Variants in VPS13B observed in about 807,000 individuals in gnomAD.
The protein encoded by VPS13B is vacuolar protein sorting 13 homolog B.
A neutral mutation model predicts 426.4 loss-of-function variants in VPS13B; 285 were observed. That is an observed-to-expected ratio of 0.67 (90% CI 0.61 to 0.74). The LOEUF is 0.74. Among genes scored for constraint, VPS13B ranks in the 30% least tolerant of loss-of-function variants. The pLI is 0.00. For missense variants in VPS13B, 4,537 were observed against 4,782.6 expected, an observed-to-expected ratio of 0.95 and a Z score of 1.51; for synonymous variants, 1,676 against 1,676.4, an observed-to-expected ratio of 1.00 and a Z score of 0.01.
chr8:99,461,149 G>T (rs1040668530), intron 23 of VPS13B, among the ~76,000 whole-genome samples: 1 of 148,650 alleles, frequency 6.7e-6, no homozygotes, highest in African/African-American at 2.5e-5. Flanking sequence ...GCTACTTCAT[G>T]TATTACTAGT....
intron 54 of VPS13B, among the ~76,000 whole-genome samples, chr8:99,840,910 T>C (rs1161432468): frequency 6.6e-6 from 1 of 152,214 alleles, no homozygotes; most frequent in African/African-American, 2.4e-5. Context: ...TATTTTGACT[T>C]CTTGCTTACT....
chr8:99,499,093 G>A (rs1171973851), intron 25 of VPS13B, among the ~76,000 whole-genome samples: 1 of 152,118 alleles, frequency 6.6e-6, no homozygotes, highest in Non-Finnish European at 1.5e-5. Context: ...AATAAACTTA[G>A]CATTTGGTCA....
At chr8:99,819,805 C>A in intron 48 of VPS13B, 116 bp from the exon 49 acceptor site, 1 of 1,354,146 alleles carries the variant, frequency 7.4e-7, no homozygotes, top group Non-Finnish European at 1.0e-6. Context: ...TTGAAAGATT[C>A]TGGTATGAGG....
chr8:99,209,871 A>G (rs1814972679), intron 17 of VPS13B: 1 of 449,050 alleles, frequency 2.2e-6, no homozygotes, highest in African/African-American at 2.2e-5. Flanking sequence ...TAAAGTTTAT[A>G]ATGTATACTA....
chr8:99,734,172 T>C (rs1833717631), intron 39 of VPS13B, among the ~76,000 whole-genome samples: 1 of 152,226 alleles, frequency 6.6e-6, no homozygotes. Flanking sequence ...TTTTCACAGT[T>C]CATCCATGTC....
At chr8:99,858,549 G>A (rs896509620) in intron 56 of VPS13B, among the ~76,000 whole-genome samples, 1 of 152,168 alleles carries the variant, frequency 6.6e-6, no homozygotes, top group Non-Finnish European at 1.5e-5. Context: ...GCCAGGCGTG[G>A]TGGCATGTGC....
Position 99,575,638 on chromosome 8 carries a change from T to C in VPS13B, c.4950-20T>C, listed in dbSNP as rs201360034. 7 of 1,613,560 alleles carry C rather than the reference T, an allele frequency of 4.3e-6. No individual in the cohort carries two copies. The East Asian group carries it at 1.6e-4, about 36-fold the overall frequency. On this transcript the variant is annotated intron_variant, in intron 31 of 61. Transcript: ENST00000357162. ...TTGAAAATAATGAAATGGCTAATAA[T>C]CTTTTACTCTATCTTTTAGCATACG...
At chr8:99,294,507 A>T (rs1003834135) in intron 19 of VPS13B, among the ~76,000 whole-genome samples, 2 of 150,828 alleles carry the variant, frequency 1.3e-5, no homozygotes, top group East Asian at 3.9e-4. Flanking sequence ...AACCTGCACA[A>T]TGTGCACATG....
intron 43 of VPS13B, among the ~76,000 whole-genome samples, chr8:99,793,644 T>C (rs1812670854): frequency 3.9e-5 from 6 of 152,164 alleles, no homozygotes; most frequent in Admixed American, 3.9e-4. Flanking sequence ...CTAGTTTTGC[T>C]ATTGGCCAAG....
At chr8:99,310,408 T>A (rs1346318191) in intron 19 of VPS13B, among the ~76,000 whole-genome samples, 1 of 152,220 alleles carries the variant, frequency 6.6e-6, no homozygotes, top group Non-Finnish European at 1.5e-5. Flanking sequence ...GCCTATTGAA[T>A]TTTGTTAAAG....
intron 16 of VPS13B, among the ~76,000 whole-genome samples, chr8:99,183,084 G>A (rs1394965363): frequency 1.3e-5 from 2 of 152,124 alleles, no homozygotes; most frequent in African/African-American, 4.8e-5. Context: ...AAAAAAAGAG[G>A]AGGAAGACTA....
chr8:99,142,010 G>A (rs897161101), intron 12 of VPS13B, among the ~76,000 whole-genome samples: 3 of 151,948 alleles, frequency 2.0e-5, no homozygotes, highest in Non-Finnish European at 2.9e-5. Context: ...CCGAGATCAC[G>A]CCACTGCACT....
intron 34 of VPS13B, among the ~76,000 whole-genome samples, chr8:99,643,989 G>A (rs1320760999): frequency 1.3e-5 from 2 of 152,182 alleles, no homozygotes; most frequent in Admixed American, 1.3e-4. Flanking sequence ...GCAGGATTAG[G>A]AGATGAATTC....
At chr8:99,734,209 T>C (rs980629232) in intron 39 of VPS13B, among the ~76,000 whole-genome samples, 2 of 152,234 alleles carry the variant, frequency 1.3e-5, no homozygotes, top group African/African-American at 4.8e-5. Flanking sequence ...CTTCATTCCT[T>C]TCTGTTGCCA....
At chr8:99,495,147 G>A (rs1270726838) in intron 25 of VPS13B, among the ~76,000 whole-genome samples, 1 of 151,952 alleles carries the variant, frequency 6.6e-6, no homozygotes, top group African/African-American at 2.4e-5. Flanking sequence ...TCTTAAGTAT[G>A]GTTCAAAGTA....
intron 19 of VPS13B, among the ~76,000 whole-genome samples, chr8:99,278,208 A>G (rs1818993736): frequency 6.6e-6 from 1 of 152,106 alleles, no homozygotes; most frequent in Non-Finnish European, 1.5e-5. Context: ...ATACTCTCAA[A>G]TTGAGGGGGA....
At chr8:99,411,941 G>T (rs1815690457) in intron 21 of VPS13B, among the ~76,000 whole-genome samples, 1 of 152,116 alleles carries the variant, frequency 6.6e-6, no homozygotes, top group South Asian at 2.1e-4. Context: ...CATGCTGTTT[G>T]GTTACTGTAG....
chr8:99,870,187 T>TA (rs560797079), intron 59 of VPS13B, among the ~76,000 whole-genome samples: 181 of 152,256 alleles, frequency 1.2e-3, no homozygotes, highest in African/African-American at 3.8e-3. Context: ...CTTTTTTTTT[T>TA]AGACACAGGG....
chr8:99,635,151 T>C (rs1055687021), intron 33 of VPS13B, among the ~76,000 whole-genome samples: 1 of 152,012 alleles, frequency 6.6e-6, no homozygotes, highest in Non-Finnish European at 1.5e-5. Context: ...TTCTCCTTTG[T>C]AATCTCAGTA....
Sources: gnomAD v4.1 joint callset for allele counts (sites outside exome capture counted in the v4.1 genomes callset) on GRCh38, gnomAD v4.1.1 for gene constraint, MANE v1.5 for transcripts, NCBI Gene and HGNC (gene_info 2026-07-23, HGNC 2026-07-21) for gene names.